The following ATXN1 variants were observed in gnomAD, a reference collection of about 807,000 sequenced individuals.
ATXN1 encodes the protein ataxin-1.
ATXN1 carries 8 observed loss-of-function variants against 56.4 expected under a neutral mutation model. The ratio of observed to expected loss-of-function variants is 0.14; its 90% CI spans 0.08 to 0.26. The LOEUF is 0.26. ATXN1 is among the 10% of genes least tolerant of loss of function. The probability of loss-of-function intolerance (pLI) is 1.00; values close to 1 mark genes in which losing one functional copy is unlikely to be tolerated. For missense variants in ATXN1, 987 were observed against 1,106.5 expected, an observed-to-expected ratio of 0.89 and a Z score of 1.53; for synonymous variants, 514 against 494.6, an observed-to-expected ratio of 1.04 and a Z score of -0.52.
At chr6:16,308,068 C>T in intron 7 of ATXN1, among the ~76,000 whole-genome samples, 1 of 151,980 alleles carries the variant, frequency 6.6e-6, no homozygotes, top group East Asian at 1.9e-4. Flanking sequence ...GCAGGAGAAT[C>T]GTTTGAGTCC....
At chr6:16,487,929 C>T (rs116769438) in intron 5 of ATXN1, among the ~76,000 whole-genome samples, 97 of 152,230 alleles carry the variant, frequency 6.4e-4, no homozygotes, top group Non-Finnish European at 1.2e-3. Flanking sequence ...CTGTATTATA[C>T]GAACTGATCT....
intron 3 of ATXN1, among the ~76,000 whole-genome samples, chr6:16,642,125 C>T (rs1428750875): frequency 6.6e-6 from 1 of 152,272 alleles, no homozygotes; most frequent in East Asian, 1.9e-4. Context: ...CAGTGGCTCA[C>T]GCTTGTAATC....
intron 7 of ATXN1, among the ~76,000 whole-genome samples, chr6:16,309,854 T>C (rs945648094): frequency 6.6e-6 from 1 of 151,750 alleles, no homozygotes; most frequent in Admixed American, 6.6e-5. Flanking sequence ...GCCAACATGG[T>C]GAAACCCCAT....
chr6:16,715,928 C>G (rs887081566), intron 2 of ATXN1, among the ~76,000 whole-genome samples: 17 of 152,238 alleles, frequency 1.1e-4, no homozygotes, highest in South Asian at 6.2e-4. Flanking sequence ...TACTGGATAC[C>G]ATGCACACTC....
rs151301085 is a variant in ATXN1, at chr6:16,446,473, C to T, written c.-161+39499G>A. Reference sequence around the variant, plus strand: ...TTCACATTCCTGACATCAGCTTACTCGGGGCACTTCTCAAAATTGAAAGCT... The same window carrying T: ...TTCACATTCCTGACATCAGCTTACTTGGGGCACTTCTCAAAATTGAAAGCT... On this transcript the variant is annotated intron_variant, in intron 6 of 7. Coordinates refer to ENST00000436367, the MANE Select transcript of ATXN1 (RefSeq NM_001128164.2). Among the ~76,000 whole-genome samples, 1,206 of 152,314 alleles carry T rather than the reference C, an allele frequency of 7.9e-3. 38 individuals are homozygous for T. Among genetic ancestry groups the T allele is most frequent in the Admixed American group, 0.058 (886 of 15,302 alleles).
chr6:16,428,171 T>G (rs1249381177), intron 6 of ATXN1, among the ~76,000 whole-genome samples: 16 of 144,866 alleles, frequency 1.1e-4, no homozygotes, highest in Admixed American at 7.2e-4. Flanking sequence ...CAGGCTGGAG[T>G]GCAATGGGGC....
intron 6 of ATXN1, among the ~76,000 whole-genome samples, chr6:16,471,191 A>AACACAC (rs5874560): frequency 0.031 from 4,575 of 148,050 alleles, 90 homozygotes; most frequent in African/African-American, 0.06. Context: ...TGGCAATTAA[A>AACACAC]ACACACACAC....
intron 2 of ATXN1, among the ~76,000 whole-genome samples, chr6:16,686,278 C>A (rs1257325842): frequency 6.6e-6 from 1 of 152,050 alleles, no homozygotes; most frequent in African/African-American, 2.4e-5. Flanking sequence ...TACAACTTAT[C>A]CTTCCAGGTC....
chr6:16,724,935 C>G (rs1029341011), intron 2 of ATXN1, among the ~76,000 whole-genome samples: 12 of 152,118 alleles, frequency 7.9e-5, no homozygotes, highest in Non-Finnish European at 1.5e-4. Flanking sequence ...GTCACTATTA[C>G]CAGCTTCACC....
intron 3 of ATXN1, among the ~76,000 whole-genome samples, chr6:16,620,747 G>C (rs959100342): frequency 2.6e-5 from 4 of 152,212 alleles, no homozygotes; most frequent in African/African-American, 9.6e-5. Flanking sequence ...TGTGCAAAGT[G>C]CCAAGGAGGA....
chr6:16,332,659 G>T (rs775459444), intron 6 of ATXN1, among the ~76,000 whole-genome samples: 1 of 152,218 alleles, frequency 6.6e-6, no homozygotes, highest in Non-Finnish European at 1.5e-5. Context: ...TTGGAAAAGG[G>T]AAATTGGAGG....
chr6:16,366,086 A>G (rs1219002061), intron 6 of ATXN1, among the ~76,000 whole-genome samples: 1 of 152,178 alleles, frequency 6.6e-6, no homozygotes, highest in Non-Finnish European at 1.5e-5. Flanking sequence ...CCCAACAGCA[A>G]TCTTTAAAGA....
intron 2 of ATXN1, among the ~76,000 whole-genome samples, chr6:16,688,308 T>C (rs1758961744): frequency 6.6e-6 from 1 of 152,192 alleles, no homozygotes; most frequent in Non-Finnish European, 1.5e-5. Context: ...GCTTATGAAT[T>C]GAGAAAACAC....
intron 6 of ATXN1, among the ~76,000 whole-genome samples, chr6:16,406,421 C>T (rs920657516): frequency 6.6e-6 from 1 of 152,082 alleles, no homozygotes; most frequent in Non-Finnish European, 1.5e-5. Context: ...TAACGGATAC[C>T]GGGCATTCAT....
chr6:16,713,157 T>C (rs962466684), intron 2 of ATXN1, among the ~76,000 whole-genome samples: 1 of 152,204 alleles, frequency 6.6e-6, no homozygotes, highest in African/African-American at 2.4e-5. Context: ...CATTAAACTT[T>C]ACCAAACAAT....
chr6:16,626,817 T>A (rs1763415312), intron 3 of ATXN1, among the ~76,000 whole-genome samples: 1 of 152,164 alleles, frequency 6.6e-6, no homozygotes, highest in South Asian at 2.1e-4. Context: ...GGTGTCCTTG[T>A]AACAGGAGAC....
In ATXN1 at chr6:16,591,630, T is replaced by C. The variant is rs3793098; in HGVS notation, c.-488-5723A>G. Among the ~76,000 whole-genome samples, 1,439 of 152,270 alleles carry C rather than the reference T, an allele frequency of 9.5e-3. 20 individuals are homozygous for C. Among genetic ancestry groups the C allele is most frequent in the East Asian group, 0.069 (355 of 5,164 alleles). On this transcript the variant is annotated intron_variant, in intron 3 of 7. Coordinates refer to ENST00000436367, the MANE Select transcript of ATXN1 (RefSeq NM_001128164.2). The stretch of plus-strand genomic sequence containing the variant: ...CCTTTGTGACATGCTCCCATACATA[T>C]TGTATTTTCCCTGCCGTGTAATGAT...
chr6:16,668,943 C>T (rs1216103026), intron 2 of ATXN1, among the ~76,000 whole-genome samples: 1 of 152,038 alleles, frequency 6.6e-6, no homozygotes, highest in African/African-American at 2.4e-5. Context: ...GGATGACAGA[C>T]TGCAGGAAGC....
At chr6:16,398,946 CT>C (rs746957636) in intron 6 of ATXN1, among the ~76,000 whole-genome samples, 2 of 152,172 alleles carry the variant, frequency 1.3e-5, no homozygotes, top group Non-Finnish European at 2.9e-5. Context: ...CAACATGGGT[CT>C]TTGGGCCCTC....
Sources: gnomAD v4.1 joint callset for allele counts (sites outside exome capture counted in the v4.1 genomes callset) on GRCh38, gnomAD v4.1.1 for gene constraint, MANE v1.5 for transcripts, NCBI Gene and HGNC (gene_info 2026-07-23, HGNC 2026-07-21) for gene names.